KIAA1549L: variants seen among roughly 807,000 people sequenced by gnomAD.
The protein encoded by KIAA1549L is KIAA1549 like.
A neutral mutation model predicts 160.7 loss-of-function variants in KIAA1549L; 88 were observed. That is an observed-to-expected ratio of 0.55 (90% CI 0.46 to 0.65). The LOEUF (loss-of-function observed/expected upper bound fraction) is 0.65, where lower values mean the gene tolerates loss of function less well. Ranked by LOEUF, KIAA1549L falls within the 30% of genes least tolerant of loss-of-function variation. The pLI, the probability that KIAA1549L is intolerant of heterozygous loss-of-function variation, is 0.00. For synonymous variants in KIAA1549L, 950 were observed against 976.7 expected, an observed-to-expected ratio of 0.97 and a Z score of 0.51; for missense variants, 2,258 against 2,437.5, an observed-to-expected ratio of 0.93 and a Z score of 1.55.
chr11:33,514,117 CT>C (rs1257267082), intron 1 of KIAA1549L, among the ~76,000 whole-genome samples: 1 of 152,202 alleles, frequency 6.6e-6, no homozygotes, highest in Admixed American at 6.5e-5. Context: ...TCCTTCCTTC[CT>C]GTTCCAGATA....
In KIAA1549L at chr11:33,580,587, A is replaced by AAAAGG. The variant is rs58664064; in HGVS notation, c.4403-2748_4403-2747insGGAAA. ...ATTCTGCCTCAAAAAAAAAAAAAAAAAAAAGAAAAGAAAAGAAAAAAAAAG... is the reference window on the plus strand; with the variant it reads ...ATTCTGCCTCAAAAAAAAAAAAAAAAAAAGGAAAAGAAAAGAAAAGAAAAAAAAAG... On this transcript the variant is annotated intron_variant, in intron 10 of 20. Coordinates refer to ENST00000658780, the MANE Select transcript of KIAA1549L (RefSeq NM_012194.3). Among the ~76,000 whole-genome samples, 98 of 127,572 alleles carry AAAAGG rather than the reference A, an allele frequency of 7.7e-4. 1 individual carries two copies. The highest frequency in any genetic ancestry group is 3.8e-3 in the African/African-American group (98 of 25,826). The allele number at this position is 127,572 out of a possible 152,430, so 83.7% of individuals were successfully genotyped here.
At chr11:33,605,243 T>G (rs909296144) in intron 13 of KIAA1549L, among the ~76,000 whole-genome samples, 9 of 152,198 alleles carry the variant, frequency 5.9e-5, no homozygotes, top group African/African-American at 1.7e-4. Flanking sequence ...TGTAGTTTCC[T>G]GTTGGTTACA....
chr11:33,385,783 T>G (rs371390793), intron 1 of KIAA1549L, among the ~76,000 whole-genome samples: 14 of 152,114 alleles, frequency 9.2e-5, no homozygotes, highest in Admixed American at 3.3e-4. Context: ...CTCTCTCCAT[T>G]TACTTAGGTA....
intron 1 of KIAA1549L, among the ~76,000 whole-genome samples, chr11:33,434,227 A>G (rs1851310474): frequency 6.6e-6 from 1 of 152,088 alleles, no homozygotes; most frequent in Admixed American, 6.5e-5. Flanking sequence ...TTTCTCCCAT[A>G]CTGTTCTCGT....
At chr11:33,570,498 T>C (rs942321784) in intron 9 of KIAA1549L, among the ~76,000 whole-genome samples, 1 of 152,130 alleles carries the variant, frequency 6.6e-6, no homozygotes, top group Non-Finnish European at 1.5e-5. Flanking sequence ...TATTAGATAT[T>C]TGAATGGTCA....
At chr11:33,444,541 G>A (rs1194565233) in intron 1 of KIAA1549L, among the ~76,000 whole-genome samples, 1 of 152,190 alleles carries the variant, frequency 6.6e-6, no homozygotes, top group Admixed American at 6.5e-5. Flanking sequence ...TGGGAGGAGA[G>A]ACTTACTTTT....
chr11:33,595,925 C>T (rs928390847), intron 12 of KIAA1549L, among the ~76,000 whole-genome samples: 9 of 152,090 alleles, frequency 5.9e-5, no homozygotes, highest in Non-Finnish European at 1.2e-4. Flanking sequence ...GGGTGTTCTG[C>T]GTCCTTTTCC....
At chr11:33,489,256 C>G (rs1852601009) in intron 1 of KIAA1549L, among the ~76,000 whole-genome samples, 2 of 152,162 alleles carry the variant, frequency 1.3e-5, no homozygotes, top group Admixed American at 1.3e-4. Flanking sequence ...GTCTCGCTCC[C>G]CACCTTATAG....
At position 33,559,891 on chromosome 11, in the gene KIAA1549L, C is replaced by T. The variant is rs747075827; in HGVS notation, c.3998C>T (p.Pro1333Leu). ...AELVGFYLTY[P>L]PLTIAEPLEY... ...CTGGTGGGATTCTACCTCACCTATCCGCCGCTAACCATTGCTGAACGTGAG... is the reference window on the plus strand; with the variant it reads ...CTGGTGGGATTCTACCTCACCTATCTGCCGCTAACCATTGCTGAACGTGAG... The change falls in exon 7 of 21, where the codon CCG becomes CTG. Residue 1333 changes from proline (P) to leucine (L), a missense_variant. By Grantham distance (98) the Pro-to-Leu change is moderately conservative. Around this residue, in one of 6 missense-constraint regions of KIAA1549L, gnomAD observed 1,359 missense variants for 1,546.6 expected, o/e 0.88. Coordinates refer to ENST00000658780, the MANE Select transcript of KIAA1549L (RefSeq NM_012194.3). 2.9e-5 allele frequency: 47 copies of T among 1,613,866 alleles called. No homozygotes were observed. In the Admixed American group the frequency reaches 3.0e-4, roughly 10 times the overall value.
At chr11:33,611,201 A>G (rs1850639098) in intron 15 of KIAA1549L, among the ~76,000 whole-genome samples, 1 of 151,784 alleles carries the variant, frequency 6.6e-6, no homozygotes, top group Non-Finnish European at 1.5e-5. Flanking sequence ...ATTTGAGGCC[A>G]CCTCTTTCCC....
At chr11:33,536,375 A>C (rs541319019) in intron 1 of KIAA1549L, among the ~76,000 whole-genome samples, 1 of 152,296 alleles carries the variant, frequency 6.6e-6, no homozygotes, top group Admixed American at 6.5e-5. Flanking sequence ...AGGTTTCCTC[A>C]TTCATGTGTC....
At chr11:33,660,839 C>T (rs745550175) in intron 19 of KIAA1549L, 24 bp from the exon 20 acceptor site, 8 of 1,612,030 alleles carry the variant, frequency 5.0e-6, no homozygotes, top group South Asian at 3.3e-5. Flanking sequence ...TCTTAACCTC[C>T]CTCCTCCATT....
chr11:33,499,774 A>AT (rs2133084259), intron 1 of KIAA1549L, among the ~76,000 whole-genome samples: 1 of 152,326 alleles, frequency 6.6e-6, no homozygotes, highest in East Asian at 1.9e-4. Context: ...AGAACCATTT[A>AT]TTTGATAAAT....
At chr11:33,593,333 G>GGT (rs1158264939) in intron 12 of KIAA1549L, among the ~76,000 whole-genome samples, 1 of 152,226 alleles carries the variant, frequency 6.6e-6, no homozygotes. Flanking sequence ...CAGCTACTGG[G>GGT]GAGGCTGAGG....
intron 20 of KIAA1549L, among the ~76,000 whole-genome samples, 200 bp from the exon 21 acceptor site, chr11:33,667,673 C>G (rs1039814177): frequency 6.6e-6 from 1 of 152,162 alleles, no homozygotes; most frequent in Non-Finnish European, 1.5e-5. Flanking sequence ...GGATTACAGG[C>G]GTGAGCCACC....
chr11:33,434,471 A>G (rs920390307), intron 1 of KIAA1549L, among the ~76,000 whole-genome samples: 1 of 152,170 alleles, frequency 6.6e-6, no homozygotes, highest in Non-Finnish European at 1.5e-5. Context: ...GAATGCAGTA[A>G]ACTGGTACCA....
chr11:33,407,713 C>G (rs1363100749), intron 1 of KIAA1549L, among the ~76,000 whole-genome samples: 2 of 152,156 alleles, frequency 1.3e-5, no homozygotes. Context: ...AGAGAAGACT[C>G]TAATGAGGGT....
At chr11:33,400,572 G>A (rs1000992695) in intron 1 of KIAA1549L, among the ~76,000 whole-genome samples, 35 of 152,182 alleles carry the variant, frequency 2.3e-4, no homozygotes, top group Admixed American at 2.2e-3. Flanking sequence ...TCATGTACCA[G>A]CAACAGAATC....
In KIAA1549L at chr11:33,656,297, G is replaced by C. The variant is rs539970878; in HGVS notation, c.5858+188G>C. ...TGAATGAACAGATCACGGTGCTTTTGTGCTTTTTAACCAGAAAGTTCTTGA... is the reference window on the plus strand; with the variant it reads ...TGAATGAACAGATCACGGTGCTTTTCTGCTTTTTAACCAGAAAGTTCTTGA... On this transcript the variant is annotated intron_variant, in intron 18 of 20. Coordinates refer to ENST00000658780, the MANE Select transcript of KIAA1549L (RefSeq NM_012194.3). Among the ~76,000 whole-genome samples the C allele has an allele frequency of 9.2e-5, 14 of 152,302 alleles. No homozygotes were observed. In the East Asian group the frequency reaches 1.2e-3, roughly 13 times the overall value.
Sources: gnomAD v4.1 joint callset for allele counts (sites outside exome capture counted in the v4.1 genomes callset) on GRCh38, gnomAD v4.1.1 for gene constraint, gnomAD v4.1.1 regional missense constraint, MANE v1.5 for transcripts, NCBI Gene and HGNC (gene_info 2026-07-23, HGNC 2026-07-21) for gene names.